LPP: variants seen among roughly 807,000 people sequenced by gnomAD.
LPP encodes the protein lipoma-preferred partner.
In LPP, 38 loss-of-function variants were observed where a neutral mutation model predicts 60.4. The observed-to-expected ratio is 0.63, with a 90% confidence interval of 0.49 to 0.83. The LOEUF is 0.83. Among genes scored for constraint, LPP ranks in the 40% least tolerant of loss-of-function variants. The pLI is 0.00. For synonymous variants in LPP, 328 were observed against 290.8 expected (o/e 1.13, Z -1.30); for missense variants, 902 against 783.6 (o/e 1.15, Z -1.80).
At position 188,356,226 on chromosome 3, in the gene LPP, G is replaced by A. The variant is rs570517745; in HGVS notation, c.-10+14507G>A. ...CCAACTTCTTTTTCCTACTAAAAGG[G>A]CAGAGTCTTAGAACATAAATATTAT... On this transcript the variant is annotated intron_variant, in intron 3 of 11. Coordinates refer to ENST00000617246, the MANE Select transcript of LPP (RefSeq NM_001375462.1). 5.9e-5 allele frequency among the ~76,000 whole-genome samples: 9 copies of A among 152,232 alleles called. No individual in the cohort carries two copies. In the South Asian group the frequency reaches 1.9e-3, roughly 32 times the overall value.
At chr3:188,270,437 A>G (rs1219030262) in intron 2 of LPP, among the ~76,000 whole-genome samples, 1 of 152,138 alleles carries the variant, frequency 6.6e-6, no homozygotes, top group Non-Finnish European at 1.5e-5. Flanking sequence ...TCAAGTTCAG[A>G]GTTTGAATCA....
At chr3:188,383,064 A>G (rs1350211171) in intron 3 of LPP, among the ~76,000 whole-genome samples, 1 of 152,248 alleles carries the variant, frequency 6.6e-6, no homozygotes, top group African/African-American at 2.4e-5. Context: ...TTTATAAACA[A>G]TGCCTATTCA....
intron 9 of LPP, among the ~76,000 whole-genome samples, chr3:188,811,909 A>C (rs1751110210): frequency 6.6e-6 from 1 of 152,188 alleles, no homozygotes. Flanking sequence ...TGATATAGAC[A>C]TGCAATGCAT....
At chr3:188,276,664 A>G (rs1255444444) in intron 2 of LPP, among the ~76,000 whole-genome samples, 4 of 115,734 alleles carry the variant, frequency 3.5e-5, no homozygotes, top group African/African-American at 1.3e-4. Flanking sequence ...CCACCCTCCA[A>G]CTCTGTCTCT....
intron 7 of LPP, among the ~76,000 whole-genome samples, chr3:188,639,097 G>C (rs1015301956): frequency 2.6e-5 from 4 of 151,578 alleles, no homozygotes; most frequent in South Asian, 2.1e-4. Context: ...GAGGCATCAC[G>C]CTACCTGACT....
intron 1 of LPP, among the ~76,000 whole-genome samples, chr3:188,204,325 C>G (rs112093672): frequency 4.4e-4 from 67 of 152,194 alleles, no homozygotes; most frequent in Middle Eastern, 3.4e-3. Flanking sequence ...TGGATGCTAT[C>G]GTTTGTGTTG....
chr3:188,364,381 G>T (rs6790414), intron 3 of LPP, among the ~76,000 whole-genome samples: 8 of 151,956 alleles, frequency 5.3e-5, no homozygotes, highest in Non-Finnish European at 7.4e-5. Context: ...GCCTTCGTTC[G>T]TTTTTTAGAC....
In LPP at chr3:188,688,366, C is replaced by A. The variant is rs1861323211; in HGVS notation, c.1114-19901C>A. Among the ~76,000 whole-genome samples the A allele has an allele frequency of 2.0e-5, 3 of 152,224 alleles. No individual in the cohort carries two copies. In the South Asian group the frequency reaches 6.2e-4, roughly 31 times the overall value. On this transcript the variant is annotated intron_variant, in intron 7 of 11. Coordinates refer to ENST00000617246, the MANE Select transcript of LPP (RefSeq NM_001375462.1). ...TTCTGTGAAACCTTCCTGATGCCTT[C>A]AGTTGGATAAATCTACCCTTGGTGT...
intron 9 of LPP, among the ~76,000 whole-genome samples, chr3:188,833,536 A>T (rs1757611245): frequency 6.6e-6 from 1 of 152,166 alleles, no homozygotes; most frequent in African/African-American, 2.4e-5. Context: ...ATCTGAGTAA[A>T]GCAATTAGCA....
At chr3:188,370,629 G>A (rs149330148) in intron 3 of LPP, among the ~76,000 whole-genome samples, 2,748 of 152,138 alleles carry the variant, frequency 0.018, 45 homozygotes, top group Middle Eastern at 0.037. Context: ...TTTGTTTTCC[G>A]TCCATCCTTT....
At chr3:188,328,801 G>A (rs1759170588) in intron 2 of LPP, among the ~76,000 whole-genome samples, 1 of 152,160 alleles carries the variant, frequency 6.6e-6, no homozygotes, top group Non-Finnish European at 1.5e-5. Flanking sequence ...TTAAAAATAT[G>A]TCTACTTTTT....
chr3:188,825,756 G>A (rs528330034), intron 9 of LPP, among the ~76,000 whole-genome samples: 11 of 152,028 alleles, frequency 7.2e-5, no homozygotes, highest in South Asian at 2.1e-4. Context: ...GTTTTTGTTC[G>A]TTTGTTTTTG....
chr3:188,672,846 A>C (rs1857214059), intron 7 of LPP, among the ~76,000 whole-genome samples: 1 of 152,200 alleles, frequency 6.6e-6, no homozygotes, highest in South Asian at 2.1e-4. Context: ...AAACCCTGGG[A>C]GGAGAGGAAC....
At chr3:188,599,435 T>G (rs1449068680) in intron 6 of LPP, among the ~76,000 whole-genome samples, 3 of 152,098 alleles carry the variant, frequency 2.0e-5, no homozygotes, top group Non-Finnish European at 4.4e-5. Flanking sequence ...TGACTTGATT[T>G]TATGTTTGAG....
chr3:188,650,052 G>A (rs1851796344), intron 7 of LPP, among the ~76,000 whole-genome samples: 1 of 152,102 alleles, frequency 6.6e-6, no homozygotes, highest in South Asian at 2.1e-4. Context: ...TTTCAGATTA[G>A]GATAGATTTC....
chr3:188,342,541 G>A (rs1022218038), intron 3 of LPP, among the ~76,000 whole-genome samples: 9 of 152,200 alleles, frequency 5.9e-5, no homozygotes, highest in Non-Finnish European at 1.3e-4. Context: ...AGGTGAAGTA[G>A]TCAATATGTA....
chr3:188,478,060 T>C (rs1037162138), intron 4 of LPP, among the ~76,000 whole-genome samples: 3 of 152,198 alleles, frequency 2.0e-5, no homozygotes, highest in Non-Finnish European at 4.4e-5. Flanking sequence ...CTGTGGAGTG[T>C]ACATTATAGC....
At chr3:188,226,333 T>A (rs1717753817) in intron 2 of LPP, among the ~76,000 whole-genome samples, 1 of 152,118 alleles carries the variant, frequency 6.6e-6, no homozygotes, top group Admixed American at 6.5e-5. Flanking sequence ...TAACAACCCT[T>A]TGGGGCAGAG....
chr3:188,800,719 C>T (rs1482428129), intron 9 of LPP, among the ~76,000 whole-genome samples: 5 of 152,044 alleles, frequency 3.3e-5, no homozygotes, highest in African/African-American at 4.8e-5. Flanking sequence ...GAGCATGTTC[C>T]ATCTTTTAAA....
Sources: allele counts gnomAD v4.1 joint callset (sites outside exome capture counted in the v4.1 genomes callset), GRCh38; gene constraint gnomAD v4.1.1; transcripts MANE v1.5; gene names NCBI Gene and HGNC (gene_info 2026-07-23, HGNC 2026-07-21).